CADPS2: variants seen among roughly 807,000 people sequenced by gnomAD.
CADPS2 encodes the protein calcium dependent secretion activator 2.
CADPS2 carries 93 observed loss-of-function variants against 172.5 expected under a neutral mutation model. The ratio of observed to expected loss-of-function variants is 0.54; its 90% CI spans 0.46 to 0.64. The LOEUF is 0.64. CADPS2 is among the 30% of genes least tolerant of loss of function. CADPS2 has a pLI of 0.00. For synonymous variants in CADPS2, 546 were observed against 555.2 expected, an observed-to-expected ratio of 0.98 and a Z score of 0.23; for missense variants, 1,420 against 1,565.9, an observed-to-expected ratio of 0.91 and a Z score of 1.57.
intron 7 of CADPS2, among the ~76,000 whole-genome samples, chr7:122,574,463 A>AAAAAAAAAAAAAG (rs2067707797): frequency 1.3e-5 from 2 of 149,406 alleles, no homozygotes; most frequent in African/African-American, 2.4e-5. Context: ...AAAAAAAAAA[A>AAAAAAAAAAAAAG]AAAAAGTATA....
intron 2 of CADPS2, chr7:122,676,738 C>T: frequency 2.8e-6 from 4 of 1,431,032 alleles, no homozygotes; most frequent in Non-Finnish European, 3.9e-6. Context: ...AACTCAGAGG[C>T]AGATCCAGAT....
chr7:122,764,494 T>C lies in CADPS2; in HGVS notation c.340-27426A>G, dbSNP rs540150860. On this transcript the variant is annotated intron_variant, in intron 1 of 29. Transcript: ENST00000449022. ...AATCCTAAAGAAAACAAATAGTCTA[T>C]CTTTGTGGAGCTTACGTTCTAGATA... is the stretch of plus-strand genomic sequence containing the variant. 1.2e-3 allele frequency among the ~76,000 whole-genome samples: 177 copies of C among 152,276 alleles called. 5 individuals are homozygous for C. The South Asian group carries it at 0.035, about 30-fold the overall frequency.
intron 1 of CADPS2, among the ~76,000 whole-genome samples, chr7:122,825,845 A>T (rs1804721528): frequency 1.3e-5 from 2 of 152,176 alleles, no homozygotes; most frequent in South Asian, 4.1e-4. Flanking sequence ...CCATCTAACT[A>T]ATTCAAGTTT....
At chr7:122,781,055 C>T (rs1792573861) in intron 1 of CADPS2, among the ~76,000 whole-genome samples, 1 of 152,068 alleles carries the variant, frequency 6.6e-6, no homozygotes, top group Admixed American at 6.6e-5. Flanking sequence ...ACTTTCTTAC[C>T]ACACTCATGA....
At chr7:122,361,880 C>A (rs1008572794) in intron 25 of CADPS2, among the ~76,000 whole-genome samples, 1 of 151,888 alleles carries the variant, frequency 6.6e-6, no homozygotes, top group African/African-American at 2.4e-5. Flanking sequence ...TCGAGACCAG[C>A]CTAACCAACA....
intron 2 of CADPS2, among the ~76,000 whole-genome samples, chr7:122,711,872 C>T (rs112719762): frequency 0.05 from 7,542 of 150,754 alleles, 635 homozygotes; most frequent in African/African-American, 0.17. Context: ...AGGCTGGTCT[C>T]GAACTCCTGA....
intron 1 of CADPS2, among the ~76,000 whole-genome samples, chr7:122,776,564 A>G (rs1268156048): frequency 6.6e-6 from 1 of 151,498 alleles, no homozygotes; most frequent in African/African-American, 2.4e-5. Flanking sequence ...GGCTCAGAAA[A>G]AAGAAAAAAA....
intron 6 of CADPS2, among the ~76,000 whole-genome samples, chr7:122,587,321 T>G (rs2069887296): frequency 6.6e-6 from 1 of 152,102 alleles, no homozygotes; most frequent in African/African-American, 2.4e-5. Context: ...TACGTCCATG[T>G]GATCTCACTG....
intron 29 of CADPS2, among the ~76,000 whole-genome samples, chr7:122,322,499 T>C (rs2032791428): frequency 6.6e-6 from 1 of 152,226 alleles, no homozygotes; most frequent in Admixed American, 6.5e-5. Flanking sequence ...AAAGGTTTGG[T>C]TGGCTCTTGC....
rs773977697 is a variant in CADPS2, at chr7:122,702,183, A to G, written c.453+34772T>C. 4.5e-5 allele frequency: 72 copies of G among 1,613,622 alleles called. No individual in the cohort carries two copies. In the South Asian group the frequency reaches 7.7e-4, roughly 17 times the overall value. ...AGGAAGGTAAATAGATACATGATGTAATGGCTCACCCACTGCATGTGCATT... is the reference window on the plus strand; with the variant it reads ...AGGAAGGTAAATAGATACATGATGTGATGGCTCACCCACTGCATGTGCATT... On this transcript the variant is annotated intron_variant, in intron 2 of 29. Transcript: ENST00000449022.
At chr7:122,344,448 T>G (rs1438342441) in intron 28 of CADPS2, among the ~76,000 whole-genome samples, 1 of 152,196 alleles carries the variant, frequency 6.6e-6, no homozygotes, top group Admixed American at 6.5e-5. Context: ...TTACAGATAC[T>G]GAATAAATGA....
At chr7:122,617,765 C>T (rs972438984) in intron 5 of CADPS2, among the ~76,000 whole-genome samples, 15 of 152,084 alleles carry the variant, frequency 9.9e-5, no homozygotes, top group Non-Finnish European at 1.3e-4. Flanking sequence ...AACTATAAGC[C>T]GGGCACAGTG....
intron 1 of CADPS2, among the ~76,000 whole-genome samples, chr7:122,777,513 T>C (rs1223949829): frequency 3.3e-5 from 5 of 152,196 alleles, no homozygotes; most frequent in Non-Finnish European, 7.3e-5. Flanking sequence ...AGGTGACTGA[T>C]ACAGTTTGGC....
At chr7:122,378,522 T>G (rs1273383358) in intron 25 of CADPS2, among the ~76,000 whole-genome samples, 1 of 152,140 alleles carries the variant, frequency 6.6e-6, no homozygotes, top group Non-Finnish European at 1.5e-5. Flanking sequence ...GCAGCTCTAT[T>G]TTTTCTTTTC....
chr7:122,355,413 C>A (rs184053025), intron 27 of CADPS2, among the ~76,000 whole-genome samples: 1 of 152,076 alleles, frequency 6.6e-6, no homozygotes, highest in Non-Finnish European at 1.5e-5. Flanking sequence ...AACCCCATCT[C>A]TATTAAAAAT....
At chr7:122,833,305 A>G (rs1047772827) in intron 1 of CADPS2, among the ~76,000 whole-genome samples, 1 of 152,192 alleles carries the variant, frequency 6.6e-6, no homozygotes, top group African/African-American at 2.4e-5. Context: ...TTGTAAATCA[A>G]TTCAAGAAAG....
At chr7:122,454,699 T>G (rs778120531) in intron 14 of CADPS2, among the ~76,000 whole-genome samples, 3 of 152,218 alleles carry the variant, frequency 2.0e-5, no homozygotes, top group Non-Finnish European at 4.4e-5. Context: ...ACAAAAGCCT[T>G]GAGAGAAATT....
At chr7:122,434,856 TTC>T (rs1440210736) in intron 17 of CADPS2, among the ~76,000 whole-genome samples, 2 of 152,254 alleles carry the variant, frequency 1.3e-5, no homozygotes, top group Non-Finnish European at 2.9e-5. Context: ...ATGCTTTTTA[TTC>T]TGTTATTTTC....
intron 15 of CADPS2, among the ~76,000 whole-genome samples, chr7:122,448,410 G>C (rs531271038): frequency 1.2e-4 from 18 of 152,298 alleles, no homozygotes; most frequent in Non-Finnish European, 2.5e-4. Flanking sequence ...TTCAAGGTAA[G>C]ATTTGGGTGG....
Sources: gnomAD v4.1 joint callset for allele counts (sites outside exome capture counted in the v4.1 genomes callset) on GRCh38, gnomAD v4.1.1 for gene constraint, MANE v1.5 for transcripts, NCBI Gene and HGNC (gene_info 2026-07-23, HGNC 2026-07-21) for gene names.